Variants in SPON1 observed in about 807,000 individuals in gnomAD.
SPON1 encodes the protein spondin-1.
A neutral mutation model predicts 111.7 loss-of-function variants in SPON1; 52 were observed. The observed-to-expected ratio is 0.47, with a 90% CI of 0.37 to 0.59. The LOEUF (loss-of-function observed/expected upper bound fraction) is 0.59, where lower values mean the gene tolerates loss of function less well. Among genes scored for constraint, SPON1 ranks in the 20% least tolerant of loss-of-function variants. The pLI is 0.00. For missense variants in SPON1, 957 were observed against 1,068.5 expected (o/e 0.90, Z 1.46); for synonymous variants, 410 against 395.8 (o/e 1.04, Z -0.43).
At chr11:14,005,744 T>C (rs1324192170) in intron 2 of SPON1, among the ~76,000 whole-genome samples, 1 of 152,202 alleles carries the variant, frequency 6.6e-6, no homozygotes, top group Non-Finnish European at 1.5e-5. Context: ...ATAACATTCA[T>C]AATTCTGATC....
At chr11:14,253,193 C>A (rs782399750) in intron 7 of SPON1, among the ~76,000 whole-genome samples, 1 of 152,212 alleles carries the variant, frequency 6.6e-6, no homozygotes, top group Non-Finnish European at 1.5e-5. Flanking sequence ...TGTGGCAGAA[C>A]CTAGACTGGC....
chr11:14,147,104 A>T (rs1040619966), intron 6 of SPON1, among the ~76,000 whole-genome samples: 27 of 122,824 alleles, frequency 2.2e-4, no homozygotes, highest in African/African-American at 8.6e-4. Context: ...ATCTTGGCTC[A>T]CTGCAGCCTC....
intron 2 of SPON1, among the ~76,000 whole-genome samples, chr11:13,988,277 T>C (rs1329985285): frequency 6.6e-6 from 1 of 152,212 alleles, no homozygotes; most frequent in Non-Finnish European, 1.5e-5. Context: ...ACATCCCTTT[T>C]AAGTTGTATT....
chr11:14,008,800 C>T (rs545205557), intron 2 of SPON1, among the ~76,000 whole-genome samples: 21 of 152,254 alleles, frequency 1.4e-4, no homozygotes, highest in African/African-American at 4.8e-4. Flanking sequence ...AAGGTCCTTC[C>T]CTTCAGCTCA....
intron 1 of SPON1, among the ~76,000 whole-genome samples, chr11:13,966,385 A>G (rs2133771641): frequency 6.6e-6 from 1 of 152,324 alleles, no homozygotes; most frequent in Non-Finnish European, 1.5e-5. Context: ...CCAGATCACA[A>G]TTTCAAGCCA....
intron 5 of SPON1, among the ~76,000 whole-genome samples, chr11:14,118,384 T>C (rs1447740867): frequency 6.6e-6 from 1 of 152,238 alleles, no homozygotes; most frequent in African/African-American, 2.4e-5. Flanking sequence ...ATGCTCTTTC[T>C]GGATATATAA....
chr11:14,049,912 A>G (rs1201591005), intron 3 of SPON1, among the ~76,000 whole-genome samples: 1 of 152,194 alleles, frequency 6.6e-6, no homozygotes, highest in Non-Finnish European at 1.5e-5. Flanking sequence ...TATATTATTC[A>G]AAATATTCTT....
chr11:14,241,100 T>C (rs1554939642), intron 6 of SPON1, among the ~76,000 whole-genome samples: 1 of 151,948 alleles, frequency 6.6e-6, no homozygotes, highest in Non-Finnish European at 1.5e-5. Flanking sequence ...CATCCTTACA[T>C]GTGCATCGTA....
chr11:14,091,282 C>T (rs915359011), intron 5 of SPON1, among the ~76,000 whole-genome samples: 22 of 152,224 alleles, frequency 1.4e-4, no homozygotes, highest in Admixed American at 2.0e-4. Context: ...GATCCCGCAC[C>T]GGGGCTGCAG....
At chr11:14,194,051 A>C (rs1848375078) in intron 6 of SPON1, among the ~76,000 whole-genome samples, 5 of 152,156 alleles carry the variant, frequency 3.3e-5, no homozygotes, top group Admixed American at 3.3e-4. Flanking sequence ...CGTTTTAGAA[A>C]TATCTTCAGA....
intron 2 of SPON1, among the ~76,000 whole-genome samples, chr11:14,008,199 A>C (rs1435686580): frequency 6.6e-6 from 1 of 152,336 alleles, no homozygotes; most frequent in Non-Finnish European, 1.5e-5. Flanking sequence ...CACATTAGAT[A>C]TTATAAGTAA....
chr11:14,066,737 A>G (rs1528643), intron 3 of SPON1, among the ~76,000 whole-genome samples: 39,577 of 151,986 alleles, frequency 0.26, 6,190 homozygotes, highest in South Asian at 0.41. Flanking sequence ...CATCTCTGGG[A>G]TGTAAACTTG....
chr11:13,983,746 G>C (rs1848161826), intron 2 of SPON1, among the ~76,000 whole-genome samples: 1 of 152,166 alleles, frequency 6.6e-6, no homozygotes. Context: ...CAAATTTGCT[G>C]TAATTACTTC....
chr11:14,006,844 C>T (rs538184347), intron 2 of SPON1, among the ~76,000 whole-genome samples: 6 of 152,342 alleles, frequency 3.9e-5, no homozygotes, highest in Non-Finnish European at 5.9e-5. Flanking sequence ...CAGTTCACAT[C>T]ATGCTAATTT....
chr11:14,126,796 C>T (rs1331344344), intron 5 of SPON1, among the ~76,000 whole-genome samples: 3 of 152,102 alleles, frequency 2.0e-5, no homozygotes, highest in African/African-American at 7.2e-5. Flanking sequence ...TTTTTCCCAG[C>T]CCTCCTGATA....
chr11:14,119,527 G>T (rs1849289582), intron 5 of SPON1, among the ~76,000 whole-genome samples: 1 of 152,238 alleles, frequency 6.6e-6, no homozygotes, highest in Non-Finnish European at 1.5e-5. Context: ...CCATGAGTCA[G>T]TCAACAGGAA....
chr11:14,127,125 T>A, intron 5 of SPON1, among the ~76,000 whole-genome samples: 1 of 152,182 alleles, frequency 6.6e-6, no homozygotes, highest in Non-Finnish European at 1.5e-5. Flanking sequence ...CCCTATTTTA[T>A]GCGCCAGCCA....
At chr11:14,129,227 C>T (rs966026512) in intron 5 of SPON1, among the ~76,000 whole-genome samples, 3 of 152,108 alleles carry the variant, frequency 2.0e-5, no homozygotes, top group Admixed American at 1.3e-4. Context: ...TTATGCCCTG[C>T]TTCCCTTTTA....
At chr11:14,097,111 G>C (rs1554923945) in intron 5 of SPON1, among the ~76,000 whole-genome samples, 1 of 152,096 alleles carries the variant, frequency 6.6e-6, no homozygotes, top group East Asian at 1.9e-4. Flanking sequence ...CTGGGTCTGT[G>C]GCTAAACTCA....
Sources: gnomAD v4.1 joint callset for allele counts (sites outside exome capture counted in the v4.1 genomes callset) on GRCh38, gnomAD v4.1.1 for gene constraint, MANE v1.5 for transcripts, NCBI Gene and HGNC (gene_info 2026-07-23, HGNC 2026-07-21) for gene names.